Variants in TNPO1 observed in about 807,000 individuals in gnomAD.
TNPO1 encodes the protein transportin 1, also known as transportin-1.
In TNPO1, 8 loss-of-function variants were observed where a neutral mutation model predicts 119.5. The observed-to-expected ratio is 0.07, with a 90% CI of 0.04 to 0.12. The LOEUF is 0.12. TNPO1 is among the 10% of genes least tolerant of loss of function. The probability of loss-of-function intolerance (pLI) is 1.00; values close to 1 mark genes in which losing one functional copy is unlikely to be tolerated. For synonymous variants in TNPO1, 362 were observed against 363.0 expected, an observed-to-expected ratio of 1.00 and a Z score of 0.03; for missense variants, 576 against 1,089.8, an observed-to-expected ratio of 0.53 and a Z score of 6.64.
intron 1 of TNPO1, chr5:72,847,988 C>T: frequency 1.1e-6 from 1 of 925,654 alleles, no homozygotes; most frequent in Non-Finnish European, 1.3e-6. Flanking sequence ...AAGGACTTGA[C>T]TTTTTATTAG....
chr5:72,855,114 G>A (rs963154846), intron 3 of TNPO1, among the ~76,000 whole-genome samples: 11 of 151,738 alleles, frequency 7.2e-5, no homozygotes, highest in Non-Finnish European at 1.5e-4. Context: ...TCCTGCCTCC[G>A]CCTCCCAAGC....
intron 11 of TNPO1, among the ~76,000 whole-genome samples, chr5:72,883,564 T>G (rs948899499): frequency 2.0e-5 from 3 of 152,226 alleles, no homozygotes; most frequent in Non-Finnish European, 4.4e-5. Flanking sequence ...AGCATAAAGT[T>G]TTCACGGTTC....
rs140699786 is a variant in TNPO1 at position 72,841,262 on chromosome 5, C to T, written c.16-7123C>T. On this transcript the variant is annotated intron_variant, in intron 1 of 24. Coordinates refer to ENST00000337273, the MANE Select transcript of TNPO1 (RefSeq NM_002270.4). The stretch of plus-strand genomic sequence containing the variant: ...CAGCCTCCCTAGTAGGGATTACAGG[C>T]GCCCGCTACCACACCCAGCTAATGT... Among the ~76,000 whole-genome samples the T allele has an allele frequency of 1.4e-3, 216 of 151,908 alleles. 3 individuals carry two copies. In the East Asian group the frequency reaches 0.036, roughly 26 times the overall value.
chr5:72,858,873 G>T (rs1746209450), intron 4 of TNPO1, among the ~76,000 whole-genome samples: 1 of 149,504 alleles, frequency 6.7e-6, no homozygotes, highest in Admixed American at 6.6e-5. Flanking sequence ...TTATAGTTTT[G>T]TTGTTGTTTT....
chr5:72,860,337 A>G (rs897853165), intron 4 of TNPO1, among the ~76,000 whole-genome samples: 1 of 152,154 alleles, frequency 6.6e-6, no homozygotes, highest in Admixed American at 6.5e-5. Flanking sequence ...TAATTTGCCT[A>G]TTGTCAGAGC....
intron 4 of TNPO1, 71 bp from the exon 5 acceptor site, chr5:72,861,737 C>T (rs1746464393): frequency 3.8e-6 from 4 of 1,060,948 alleles, no homozygotes; most frequent in African/African-American, 1.6e-5. Context: ...TGTTTGTGCA[C>T]ACAGTTGCTC....
At chr5:72,876,585 A>G (rs1177349571) in intron 8 of TNPO1, among the ~76,000 whole-genome samples, 2 of 152,196 alleles carry the variant, frequency 1.3e-5, no homozygotes, top group African/African-American at 4.8e-5. Flanking sequence ...GTAGTTGTAG[A>G]GTCTTCATTT....
chr5:72,893,811 A>G, intron 18 of TNPO1, 108 bp downstream of exon 18: 1 of 1,032,560 alleles, frequency 9.7e-7, no homozygotes. Flanking sequence ...CAACATTTAT[A>G]AATGTACACT....
Position 72,901,081 on chromosome 5 carries a change from G to A in TNPO1, c.2514+8G>A, listed in dbSNP as rs747765559. 2.5e-6 allele frequency: 4 copies of A among 1,571,862 alleles called. No individual in the cohort carries two copies. The South Asian group carries it at 3.6e-5, about 14-fold the overall frequency. ...CCCAGTGGCGTAATCCAAGTAAGAT[G>A]TTCACAAAGATTTGTTTTTAATGTC... On this transcript the variant is annotated splice_region_variant and intron_variant, in intron 22 of 24. Coordinates refer to ENST00000337273, the MANE Select transcript of TNPO1 (RefSeq NM_002270.4).
At chr5:72,886,084 C>T (rs190471450) in intron 11 of TNPO1, among the ~76,000 whole-genome samples, 106 of 151,774 alleles carry the variant, frequency 7.0e-4, no homozygotes, top group Middle Eastern at 6.8e-3. Context: ...CTCCCATCTT[C>T]GTTGCTTTAG....
intron 6 of TNPO1, among the ~76,000 whole-genome samples, chr5:72,869,014 TA>T (rs1747168666): frequency 6.6e-6 from 1 of 151,740 alleles, no homozygotes; most frequent in Non-Finnish European, 1.5e-5. Context: ...CATCTCAAAA[TA>T]AAAAAAGTTT....
chr5:72,851,318 A>G lies in TNPO1; in HGVS notation c.204A>G (p.Glu68=), dbSNP rs772861582. The G allele has an allele frequency of 1.3e-6, 2 of 1,536,942 alleles. No individual in the cohort carries two copies. Among genetic ancestry groups the G allele is most frequent in the South Asian group, 2.3e-5 (2 of 88,296 alleles). The part of the protein sequence containing the change: ...LIFVLTKLKS[E]DEPTRSLSGL... ...TTGTTCTTACAAAATTAAAATCTGA[A>G]GGTAAGTAGGATTTGTATTGATAAC... Residue 68 remains glutamate (E), a splice_region_variant and synonymous_variant, in exon 3 of 25, where the codon GAA becomes GAG. Transcript: ENST00000337273.
intron 23 of TNPO1, among the ~76,000 whole-genome samples, chr5:72,904,799 G>A (rs250517): frequency 2.6e-5 from 4 of 151,946 alleles, no homozygotes; most frequent in African/African-American, 9.7e-5. Context: ...CTCTGTCCCC[G>A]CCACACACAC....
At chr5:72,907,880 A>G (rs1017388821) in intron 24 of TNPO1, among the ~76,000 whole-genome samples, 67 of 151,870 alleles carry the variant, frequency 4.4e-4, no homozygotes, top group African/African-American at 1.4e-3. Context: ...CTCCATCTCT[A>G]TGAAAAAAAT....
chr5:72,837,792 C>T (rs527563899), intron 1 of TNPO1, among the ~76,000 whole-genome samples: 11 of 152,240 alleles, frequency 7.2e-5, no homozygotes, highest in Non-Finnish European at 8.8e-5. Flanking sequence ...TTCTCATCAA[C>T]GCCATTTCAC....
chr5:72,886,324 G>A lies in TNPO1; in HGVS notation c.1151-746G>A, dbSNP rs186370566. Among the ~76,000 whole-genome samples, 56 of 152,274 alleles carry A rather than the reference G, an allele frequency of 3.7e-4. 1 individual carries two copies. The highest frequency in any genetic ancestry group is 3.2e-3 in the Admixed American group (49 of 15,276). On this transcript the variant is annotated intron_variant, in intron 11 of 24. Transcript: ENST00000337273. Reference sequence around the variant, plus strand: ...TTCCAGTTTTTGTGTCTAAAGTCCAGCTAAGTAATTGTCTGTTTAATTCTA... The same window carrying A: ...TTCCAGTTTTTGTGTCTAAAGTCCAACTAAGTAATTGTCTGTTTAATTCTA...
At chr5:72,902,085 A>G (rs1451469449) in intron 22 of TNPO1, among the ~76,000 whole-genome samples, 7 of 152,188 alleles carry the variant, frequency 4.6e-5, no homozygotes, top group Non-Finnish European at 8.8e-5. Context: ...GGAAAAAAAA[A>G]AAATGTAGTT....
At chr5:72,842,658 C>T (rs1197915080) in intron 1 of TNPO1, among the ~76,000 whole-genome samples, 2 of 152,148 alleles carry the variant, frequency 1.3e-5, no homozygotes, top group African/African-American at 4.8e-5. Flanking sequence ...CTTCCTATGG[C>T]TCCTCCTGCC....
At chr5:72,843,439 C>A (rs972011561) in intron 1 of TNPO1, among the ~76,000 whole-genome samples, 1 of 151,770 alleles carries the variant, frequency 6.6e-6, no homozygotes, top group African/African-American at 2.4e-5. Flanking sequence ...GCTAAAAATT[C>A]AAAAATTAAC....
Sources: allele counts gnomAD v4.1 joint callset (sites outside exome capture counted in the v4.1 genomes callset), GRCh38; gene constraint gnomAD v4.1.1; transcripts MANE v1.5; gene names NCBI Gene and HGNC (gene_info 2026-07-23, HGNC 2026-07-21).